The following DCDC2 variants were observed in gnomAD, a reference collection of about 807,000 sequenced individuals.
The protein encoded by DCDC2 is doublecortin domain containing 2, also known as doublecortin domain-containing protein 2.
A neutral mutation model predicts 50.2 loss-of-function variants in DCDC2; 40 were observed. The observed-to-expected ratio is 0.80, with a 90% CI of 0.62 to 1.04. The LOEUF (loss-of-function observed/expected upper bound fraction) is 1.04, where lower values mean the gene tolerates loss of function less well. Among genes scored for constraint, DCDC2 ranks in the 50% least tolerant of loss-of-function variants. DCDC2 has a pLI of 0.00. For synonymous variants in DCDC2, 234 were observed against 210.6 expected (o/e 1.11, Z -0.96); for missense variants, 570 against 581.9 (o/e 0.98, Z 0.21).
At chr6:24,230,307 A>C (rs1762312620) in intron 7 of DCDC2, among the ~76,000 whole-genome samples, 1 of 152,076 alleles carries the variant, frequency 6.6e-6, no homozygotes, top group African/African-American at 2.4e-5. Context: ...AAGAGGGTCT[A>C]ATTCTCAATA....
chr6:24,327,623 G>A lies in DCDC2; in HGVS notation c.349-25579C>T, dbSNP rs182918832. ...TGAGTAGCTGGGATTATAGGTGCCC[G>A]CCACCACACCCGGCTAATTTTTGTA... On this transcript the variant is annotated intron_variant, in intron 2 of 9. Coordinates refer to ENST00000378454, the MANE Select transcript of DCDC2 (RefSeq NM_016356.5). 4.9e-4 allele frequency among the ~76,000 whole-genome samples: 75 copies of A among 151,734 alleles called. 1 individual carries two copies. In the East Asian group the frequency reaches 0.013, roughly 27 times the overall value.
chr6:24,199,320 C>T (rs955697965), intron 8 of DCDC2, among the ~76,000 whole-genome samples: 3 of 152,320 alleles, frequency 2.0e-5, no homozygotes, highest in African/African-American at 7.2e-5. Context: ...AAGGAACAGG[C>T]AGCAATCTTT....
intron 4 of DCDC2, among the ~76,000 whole-genome samples, chr6:24,293,566 A>G (rs1763797936): frequency 6.6e-6 from 1 of 152,232 alleles, no homozygotes; most frequent in Non-Finnish European, 1.5e-5. Context: ...AAAGAGACTT[A>G]GACTCCCACA....
intron 2 of DCDC2, among the ~76,000 whole-genome samples, chr6:24,315,769 G>C (rs1263705541): frequency 6.6e-6 from 1 of 152,104 alleles, no homozygotes; most frequent in Non-Finnish European, 1.5e-5. Context: ...AGAAGGCTAA[G>C]TTTCAGCCTA....
chr6:24,251,460 A>G (rs910567160), intron 7 of DCDC2, among the ~76,000 whole-genome samples: 1 of 152,144 alleles, frequency 6.6e-6, no homozygotes, highest in East Asian at 1.9e-4. Context: ...GCTAGCCCTA[A>G]TTCCTCACAA....
intron 8 of DCDC2, among the ~76,000 whole-genome samples, chr6:24,199,306 G>A (rs367854344): frequency 8.3e-4 from 126 of 152,352 alleles, no homozygotes; most frequent in African/African-American, 2.9e-3. Context: ...AAAGCTTCCA[G>A]AGGAAGGAAC....
intron 7 of DCDC2, among the ~76,000 whole-genome samples, chr6:24,249,982 G>A (rs979023042): frequency 6.6e-6 from 1 of 152,180 alleles, no homozygotes; most frequent in Non-Finnish European, 1.5e-5. Context: ...ACTGAACATA[G>A]TAATGGACTC....
chr6:24,362,730 CA>C (rs1760690501), upstream of DCDC2, among the ~76,000 whole-genome samples: 1 of 152,138 alleles, frequency 6.6e-6, no homozygotes, highest in African/African-American at 2.4e-5. Flanking sequence ...AAGTTTTCCT[CA>C]AAATCACTTT....
intron 7 of DCDC2, among the ~76,000 whole-genome samples, chr6:24,270,409 T>TA: frequency 6.6e-6 from 1 of 152,310 alleles, no homozygotes; most frequent in East Asian, 1.9e-4. Context: ...ACTCAATGCT[T>TA]ACAGTTTGCA....
At chr6:24,272,850 A>G (rs935445581) in intron 7 of DCDC2, among the ~76,000 whole-genome samples, 1 of 152,192 alleles carries the variant, frequency 6.6e-6, no homozygotes, top group African/African-American at 2.4e-5. Flanking sequence ...CTATCCAACA[A>G]TTTCATTACT....
chr6:24,225,350 C>G (rs1762208120), intron 7 of DCDC2, among the ~76,000 whole-genome samples: 1 of 152,114 alleles, frequency 6.6e-6, no homozygotes, highest in Non-Finnish European at 1.5e-5. Flanking sequence ...CTAGGAGAAG[C>G]AGTAGACACA....
At chr6:24,299,687 G>A (rs1049583898) in intron 4 of DCDC2, among the ~76,000 whole-genome samples, 16 of 152,254 alleles carry the variant, frequency 1.1e-4, no homozygotes, top group African/African-American at 3.4e-4. Context: ...GCCAAGGCGG[G>A]TGGATTGCTT....
At chr6:24,220,780 TG>T (rs1177524984) in intron 7 of DCDC2, among the ~76,000 whole-genome samples, 1 of 120,586 alleles carries the variant, frequency 8.3e-6, no homozygotes, top group Non-Finnish European at 1.7e-5. Context: ...TCTGCACAGC[TG>T]GGGAGGCCTC....
chr6:24,252,724 G>A (rs1399826783), intron 7 of DCDC2, among the ~76,000 whole-genome samples: 1 of 152,176 alleles, frequency 6.6e-6, no homozygotes, highest in African/African-American at 2.4e-5. Flanking sequence ...CACTGACACA[G>A]CACTCAGCAG....
chr6:24,372,143 C>G, the DCDC2 span, among the ~76,000 whole-genome samples: 2 of 152,086 alleles, frequency 1.3e-5, no homozygotes, highest in Admixed American at 6.6e-5. Flanking sequence ...GATTATAGGC[C>G]GGGCGCGGTG....
At chr6:24,308,371 C>T (rs1489840819) in intron 2 of DCDC2, among the ~76,000 whole-genome samples, 2 of 152,186 alleles carry the variant, frequency 1.3e-5, no homozygotes, top group Non-Finnish European at 2.9e-5. Context: ...AAAACGGCAG[C>T]CCAGCCTGTT....
At chr6:24,257,100 A>G (rs1762911351) in intron 7 of DCDC2, among the ~76,000 whole-genome samples, 1 of 152,220 alleles carries the variant, frequency 6.6e-6, no homozygotes, top group South Asian at 2.1e-4. Flanking sequence ...CTCTGCTTAC[A>G]CAGATATATA....
intron 7 of DCDC2, among the ~76,000 whole-genome samples, chr6:24,231,538 G>C (rs1000167958): frequency 5.9e-5 from 9 of 152,120 alleles, no homozygotes; most frequent in Non-Finnish European, 8.8e-5. Context: ...CCTGGGTTGT[G>C]TTGGGACAAA....
the DCDC2 span, among the ~76,000 whole-genome samples, chr6:24,366,710 T>C: frequency 6.6e-6 from 1 of 152,244 alleles, no homozygotes; most frequent in Non-Finnish European, 1.5e-5. Flanking sequence ...TATGCTCATA[T>C]GTGGTTTCTG....
Sources: allele counts gnomAD v4.1 joint callset (sites outside exome capture counted in the v4.1 genomes callset), GRCh38; gene constraint gnomAD v4.1.1; transcripts MANE v1.5; gene names NCBI Gene and HGNC (gene_info 2026-07-23, HGNC 2026-07-21).